Variants in ESRRG observed in about 807,000 individuals in gnomAD.
ESRRG encodes estrogen-related receptor gamma.
A neutral mutation model predicts 44.0 loss-of-function variants in ESRRG; 13 were observed. That is an observed-to-expected ratio of 0.30 (90% CI 0.19 to 0.47). The LOEUF (loss-of-function observed/expected upper bound fraction) is 0.47, where lower values mean the gene tolerates loss of function less well. Ranked by LOEUF, ESRRG falls within the 20% of genes least tolerant of loss-of-function variation. The pLI, the probability that ESRRG is intolerant of heterozygous loss-of-function variation, is 1.00. For missense variants in ESRRG, 395 were observed against 580.6 expected, an observed-to-expected ratio of 0.68 and a Z score of 3.29; for synonymous variants, 215 against 214.6, an observed-to-expected ratio of 1.00 and a Z score of -0.02.
At chr1:217,000,801 T>G (rs539940926) in intron 1 of ESRRG, 1 of 152,360 alleles carries the variant, frequency 6.6e-6, no homozygotes, top group East Asian at 1.9e-4. Flanking sequence ...ATTGGTCCCA[T>G]GCAGCAAGGG....
chr1:216,584,512 T>G (rs12140540), intron 3 of ESRRG, among the ~76,000 whole-genome samples: 4,138 of 151,928 alleles, frequency 0.027, 191 homozygotes, highest in African/African-American at 0.095. Context: ...CACCTCGGCC[T>G]CCCAAAGTGC....
chr1:217,126,244 G>A (rs189138387), intron 1 of ESRRG, among the ~76,000 whole-genome samples: 59 of 152,018 alleles, frequency 3.9e-4, no homozygotes, highest in Admixed American at 1.6e-3. Context: ...CACCCACCCC[G>A]TAGCACCATG....
At chr1:217,107,770 A>AAAG (rs1255840138) in intron 1 of ESRRG, among the ~76,000 whole-genome samples, 1 of 152,224 alleles carries the variant, frequency 6.6e-6, no homozygotes, top group African/African-American at 2.4e-5. Flanking sequence ...AAGATGTTAT[A>AAAG]AAGAGTATTT....
intron 1 of ESRRG, among the ~76,000 whole-genome samples, chr1:216,695,163 A>G (rs1028192058): frequency 1.1e-4 from 16 of 152,094 alleles, no homozygotes; most frequent in African/African-American, 3.9e-4. Flanking sequence ...TATAATAATT[A>G]GTCAAGCTAC....
intron 1 of ESRRG, among the ~76,000 whole-genome samples, chr1:217,055,741 A>G (rs569365436): frequency 7.4e-6 from 1 of 134,922 alleles, no homozygotes; most frequent in East Asian, 2.0e-4. Context: ...TTTACACTAC[A>G]TGAGGCCACC....
At chr1:216,957,348 C>T (rs574642374) in intron 1 of ESRRG, among the ~76,000 whole-genome samples, 25 of 152,252 alleles carry the variant, frequency 1.6e-4, no homozygotes, top group African/African-American at 5.5e-4. Flanking sequence ...CTCCTGTGAA[C>T]ACCAGACTCA....
chr1:217,048,889 T>A (rs1014552448), intron 1 of ESRRG, among the ~76,000 whole-genome samples: 1 of 152,160 alleles, frequency 6.6e-6, no homozygotes, highest in Non-Finnish European at 1.5e-5. Context: ...GTTTTGAAAA[T>A]GAACATTGAA....
chr1:216,785,414 G>T (rs1395657882), intron 2 of ESRRG, among the ~76,000 whole-genome samples: 1 of 152,040 alleles, frequency 6.6e-6, no homozygotes, highest in Non-Finnish European at 1.5e-5. Flanking sequence ...AGCACTGCGA[G>T]GTAAGCCCTT....
chr1:216,599,051 G>A (rs2058830387), intron 3 of ESRRG, among the ~76,000 whole-genome samples: 1 of 152,106 alleles, frequency 6.6e-6, no homozygotes. Context: ...GGTACATGTA[G>A]TTAAAAAAGA....
chr1:216,875,653 T>C (rs11572539), intron 2 of ESRRG, among the ~76,000 whole-genome samples: 12 of 152,018 alleles, frequency 7.9e-5, no homozygotes, highest in African/African-American at 2.9e-4. Context: ...TTTATATTCA[T>C]TTATTACTTC....
intron 3 of ESRRG, among the ~76,000 whole-genome samples, chr1:216,617,429 T>C (rs1044872104): frequency 2.0e-5 from 3 of 152,082 alleles, no homozygotes; most frequent in Middle Eastern, 3.4e-3. Context: ...TATCATGAGC[T>C]GCTTTGTTTG....
intron 3 of ESRRG, among the ~76,000 whole-genome samples, chr1:216,648,536 C>A (rs1285346860): frequency 6.6e-6 from 1 of 152,132 alleles, no homozygotes; most frequent in Non-Finnish European, 1.5e-5. Flanking sequence ...ACAGTTCACA[C>A]CTCTTCATTC....
chr1:216,705,406 C>G (rs1478996278), intron 1 of ESRRG, among the ~76,000 whole-genome samples: 2 of 151,950 alleles, frequency 1.3e-5, no homozygotes, highest in East Asian at 3.9e-4. Flanking sequence ...AATGTGTTAT[C>G]CCCACTATAA....
At chr1:216,611,211 CAAAAAAAAAAA>C (rs397861468) in intron 3 of ESRRG, among the ~76,000 whole-genome samples, 7 of 60,424 alleles carry the variant, frequency 1.2e-4, no homozygotes, top group African/African-American at 1.6e-4. Flanking sequence ...ACTCCGTCCT[CAAAAAAAAAAA>C]AAAAAAAAAA....
At chr1:216,672,885 T>C (rs1296047302) in intron 2 of ESRRG, among the ~76,000 whole-genome samples, 1 of 151,972 alleles carries the variant, frequency 6.6e-6, no homozygotes, top group East Asian at 1.9e-4. Flanking sequence ...TAAGAAGATA[T>C]ATTAAAAAGG....
intron 5 of ESRRG, among the ~76,000 whole-genome samples, chr1:216,519,829 G>GAAAAAAAAAAAAAAAAAAA (rs1558227299): frequency 2.1e-5 from 3 of 141,768 alleles, no homozygotes; most frequent in Non-Finnish European, 3.0e-5. Flanking sequence ...AAAAAAAAAA[G>GAAAAAAAAAAAAAAAAAAA]AAGAAGAAGG....
chr1:216,802,188 T>G (rs904658565), intron 2 of ESRRG, among the ~76,000 whole-genome samples: 1 of 152,098 alleles, frequency 6.6e-6, no homozygotes, highest in Non-Finnish European at 1.5e-5. Context: ...GGTGCTTTTT[T>G]TCTGTTTGAG....
At chr1:217,029,285 C>T (rs543186957) in intron 1 of ESRRG, among the ~76,000 whole-genome samples, 62 of 152,106 alleles carry the variant, frequency 4.1e-4, no homozygotes, top group Non-Finnish European at 4.4e-4. Context: ...GATTAGCAGT[C>T]GTTTTTTAAA....
At chr1:216,515,322 T>TTAC (rs1162552569) in intron 6 of ESRRG, among the ~76,000 whole-genome samples, 1 of 152,056 alleles carries the variant, frequency 6.6e-6, no homozygotes, top group Admixed American at 6.6e-5. Flanking sequence ...ATAGATGGCA[T>TTAC]TACTATTTCA....
Sources: allele counts gnomAD v4.1 joint callset (sites outside exome capture counted in the v4.1 genomes callset), GRCh38; gene constraint gnomAD v4.1.1; transcripts MANE v1.5; gene names NCBI Gene and HGNC (gene_info 2026-07-23, HGNC 2026-07-21).